SORCS1: variants seen among roughly 807,000 people sequenced by gnomAD.
SORCS1 encodes sortilin related VPS10 domain containing receptor 1, also known as VPS10 domain-containing receptor SorCS1.
Under a neutral mutation model 146.1 loss-of-function variants are expected in SORCS1, and 60 were observed. The observed-to-expected ratio is 0.41, with a 90% CI of 0.33 to 0.51. The LOEUF (loss-of-function observed/expected upper bound fraction) is 0.51, where lower values mean the gene tolerates loss of function less well. SORCS1 is among the 20% of genes least tolerant of loss of function. The pLI is 0.21. For synonymous variants in SORCS1, 637 were observed against 584.0 expected, an observed-to-expected ratio of 1.09 and a Z score of -1.31; for missense variants, 1,352 against 1,487.6, an observed-to-expected ratio of 0.91 and a Z score of 1.50.
chr10:106,735,836 C>T (rs982172618), intron 5 of SORCS1, among the ~76,000 whole-genome samples: 1 of 152,176 alleles, frequency 6.6e-6, no homozygotes, highest in East Asian at 1.9e-4. Flanking sequence ...GGTGAAAAGA[C>T]TTCAGTCCTG....
intron 1 of SORCS1, among the ~76,000 whole-genome samples, chr10:107,002,830 A>G (rs963468020): frequency 1.3e-5 from 2 of 152,220 alleles, no homozygotes; most frequent in Non-Finnish European, 2.9e-5. Context: ...AAAGTGCCAG[A>G]TGCCTTTTGT....
intron 3 of SORCS1, among the ~76,000 whole-genome samples, chr10:106,788,382 C>T (rs898927610): frequency 3.9e-5 from 6 of 152,132 alleles, no homozygotes; most frequent in South Asian, 2.1e-4. Flanking sequence ...AGCATTGACT[C>T]GAAAATCTAC....
intron 2 of SORCS1, among the ~76,000 whole-genome samples, chr10:106,884,269 A>G (rs1318380668): frequency 6.6e-6 from 1 of 152,160 alleles, no homozygotes. Context: ...GCCACAGCCT[A>G]TTGTGGAAAA....
chr10:107,124,077 A>C (rs1368874613), intron 1 of SORCS1, among the ~76,000 whole-genome samples: 1 of 150,328 alleles, frequency 6.7e-6, no homozygotes, highest in Non-Finnish European at 1.5e-5. Context: ...ACAGAGCGAG[A>C]CTTCGTCTCA....
intron 19 of SORCS1, 85 bp from the exon 20 acceptor site, chr10:106,620,646 A>C (rs1589493495): frequency 6.8e-7 from 1 of 1,465,834 alleles, no homozygotes; most frequent in Non-Finnish European, 9.1e-7. Context: ...TCACACATTT[A>C]CTCTTGAAGC....
intron 1 of SORCS1, among the ~76,000 whole-genome samples, chr10:106,978,240 T>C (rs1159149058): frequency 6.6e-6 from 1 of 152,096 alleles, no homozygotes; most frequent in Non-Finnish European, 1.5e-5. Context: ...CCACCATGCC[T>C]GGCCTGTGGT....
chr10:106,600,200 C>T (rs1027591437), intron 23 of SORCS1: 1 of 420,232 alleles, frequency 2.4e-6, no homozygotes, highest in African/African-American at 2.2e-5. Flanking sequence ...TTTATAATCT[C>T]CAGGAGAGAC....
rs372986813 is a variant in SORCS1, at chr10:106,761,244, TATA to T, written c.959+341_959+343del. On this transcript the variant is annotated intron_variant, in intron 5 of 25. Coordinates refer to ENST00000263054, the MANE Select transcript of SORCS1 (RefSeq NM_052918.5). ...CATCTGAATATGCGATATATGTGTA[TATA>T]ATGCTTTTAATAATAAAAAGTCACT... Among the ~76,000 whole-genome samples, 525 of 152,350 alleles carry T rather than the reference TATA, an allele frequency of 3.4e-3. 10 individuals carry two copies. The highest frequency in any genetic ancestry group is 0.012 in the African/African-American group (506 of 41,580).
At chr10:106,767,748 C>T (rs1859687654) in intron 4 of SORCS1, among the ~76,000 whole-genome samples, 1 of 152,096 alleles carries the variant, frequency 6.6e-6, no homozygotes, top group African/African-American at 2.4e-5. Flanking sequence ...GCCTTGGCCT[C>T]CTAAAGTGCT....
chr10:107,059,376 T>C lies in SORCS1; in HGVS notation c.559-102796A>G, dbSNP rs72812919. 8.9e-3 allele frequency among the ~76,000 whole-genome samples: 1,358 copies of C among 152,340 alleles called. 9 individuals carry two copies. Among genetic ancestry groups the C allele is most frequent in the Non-Finnish European group, 0.015 (990 of 68,024 alleles). ...TATAGTTTCCTACACAATCTTATTT[T>C]TCAATGTTCTTTATTTCAAGATAAG... On this transcript the variant is annotated intron_variant, in intron 1 of 25. Coordinates refer to ENST00000263054, the MANE Select transcript of SORCS1 (RefSeq NM_052918.5).
At chr10:106,602,987 C>G (rs141091365) in intron 23 of SORCS1, among the ~76,000 whole-genome samples, 29 of 152,226 alleles carry the variant, frequency 1.9e-4, no homozygotes, top group African/African-American at 6.7e-4. Context: ...GTAATAAAAA[C>G]AGCCAAGGAA....
intron 23 of SORCS1, among the ~76,000 whole-genome samples, chr10:106,602,536 C>CACACACACAG (rs1554875445): frequency 0.023 from 3,439 of 151,278 alleles, 131 homozygotes; most frequent in African/African-American, 0.079. Flanking sequence ...CACACACACA[C>CACACACACAG]ACACACACAC....
intron 1 of SORCS1, among the ~76,000 whole-genome samples, chr10:107,113,118 C>T (rs1369145749): frequency 1.3e-5 from 2 of 152,166 alleles, no homozygotes; most frequent in East Asian, 1.9e-4. Context: ...CAAAACAATT[C>T]TTAACAAATT....
At chr10:107,088,032 C>A (rs968215629) in intron 1 of SORCS1, among the ~76,000 whole-genome samples, 2 of 152,036 alleles carry the variant, frequency 1.3e-5, no homozygotes, top group African/African-American at 4.8e-5. Flanking sequence ...CATTCTCCTG[C>A]CTCAGCCTCC....
At chr10:107,113,885 T>G (rs1965857378) in intron 1 of SORCS1, among the ~76,000 whole-genome samples, 1 of 150,566 alleles carries the variant, frequency 6.6e-6, no homozygotes, top group South Asian at 2.1e-4. Context: ...TGAAAAGATA[T>G]AAATAGACAA....
At chr10:106,810,270 C>T (rs911589476) in intron 3 of SORCS1, among the ~76,000 whole-genome samples, 4 of 152,132 alleles carry the variant, frequency 2.6e-5, no homozygotes, top group African/African-American at 7.2e-5. Context: ...GCCCACTAGT[C>T]CAAGCTGCCT....
intron 23 of SORCS1, among the ~76,000 whole-genome samples, chr10:106,604,920 T>G (rs1044543540): frequency 3.9e-5 from 6 of 152,256 alleles, no homozygotes; most frequent in African/African-American, 1.2e-4. Context: ...AGACACCCCA[T>G]GAGATAAGTG....
chr10:107,132,568 A>C (rs1966938775), intron 1 of SORCS1, among the ~76,000 whole-genome samples: 1 of 152,224 alleles, frequency 6.6e-6, no homozygotes, highest in South Asian at 2.1e-4. Flanking sequence ...ATTCAGTCAC[A>C]GCTGGGCTGA....
intron 5 of SORCS1, among the ~76,000 whole-genome samples, chr10:106,735,452 G>A (rs1856885359): frequency 6.6e-6 from 1 of 152,198 alleles, no homozygotes; most frequent in Non-Finnish European, 1.5e-5. Context: ...GAAGACACAG[G>A]AGGAATGACC....
Sources: gnomAD v4.1 joint callset for allele counts (sites outside exome capture counted in the v4.1 genomes callset) on GRCh38, gnomAD v4.1.1 for gene constraint, MANE v1.5 for transcripts, NCBI Gene and HGNC (gene_info 2026-07-23, HGNC 2026-07-21) for gene names.